NRXN1: variants seen among roughly 807,000 people sequenced by gnomAD.
The protein encoded by NRXN1 is neurexin-1.
In NRXN1, 39 loss-of-function variants were observed where a neutral mutation model predicts 150.9. The ratio of observed to expected loss-of-function variants is 0.26; its 90% confidence interval spans 0.20 to 0.34. The LOEUF is 0.34. Ranked by LOEUF, NRXN1 falls within the 10% of genes least tolerant of loss-of-function variation. The pLI is 1.00. For synonymous variants in NRXN1, 924 were observed against 757.0 expected (o/e 1.22, Z -3.62); for missense variants, 1,815 against 1,949.9 (o/e 0.93, Z 1.30).
Position 50,347,292 on chromosome 2 carries a change from G to C in NRXN1, c.3365-110322C>G. The C allele has an allele frequency of 1.4e-5, 18 of 1,285,682 alleles. No individual in the cohort carries two copies. Among genetic ancestry groups the C allele is most frequent in the Non-Finnish European group, 1.8e-5 (18 of 989,542 alleles). The allele number at this position is 1,285,682 out of a possible 1,614,324, so 79.6% of individuals were successfully genotyped here. ...GAGATACTCCCAAAGAGTTTCGGGC[G>C]AGAGTGCGTGCCGGCGGGTGGGGGG... On this transcript the variant is annotated intron_variant, in intron 17 of 22. Coordinates refer to ENST00000401669, the MANE Select transcript of NRXN1 (RefSeq NM_001330078.2). The surrounding 1 kb of genome is among the most constrained non-coding windows in gnomAD (Gnocchi z 4.9).
chr2:50,262,453 A>T (rs192440648), intron 17 of NRXN1, among the ~76,000 whole-genome samples: 1 of 152,046 alleles, frequency 6.6e-6, no homozygotes, highest in Admixed American at 6.6e-5. Context: ...GTAATTACTG[A>T]GGTCTTCTCT....
At chr2:50,834,449 G>C (rs1671827718) in intron 5 of NRXN1, among the ~76,000 whole-genome samples, 1 of 151,950 alleles carries the variant, frequency 6.6e-6, no homozygotes, top group East Asian at 1.9e-4. Context: ...AATTTCAGGA[G>C]GAAAACAATA....
chr2:50,397,526 G>T (rs544984831), intron 17 of NRXN1, among the ~76,000 whole-genome samples: 2 of 152,088 alleles, frequency 1.3e-5, no homozygotes, highest in Non-Finnish European at 1.5e-5. Flanking sequence ...CTATTATTAA[G>T]TCCATGTTAC....
intron 17 of NRXN1, among the ~76,000 whole-genome samples, chr2:50,454,834 A>G (rs2087379034): frequency 6.6e-6 from 1 of 152,294 alleles, no homozygotes; most frequent in African/African-American, 2.4e-5. Context: ...AGACTTATAC[A>G]CATAAAAAGA....
At chr2:50,938,496 T>G (rs1281850876) in intron 2 of NRXN1, among the ~76,000 whole-genome samples, 1 of 152,156 alleles carries the variant, frequency 6.6e-6, no homozygotes, top group Non-Finnish European at 1.5e-5. Flanking sequence ...TCCAAACTAT[T>G]CCGATTTCTG....
intron 18 of NRXN1, among the ~76,000 whole-genome samples, chr2:50,097,353 C>A (rs1170630823): frequency 6.6e-6 from 1 of 152,188 alleles, no homozygotes; most frequent in Non-Finnish European, 1.5e-5. Flanking sequence ...CAGAACTCAA[C>A]AATGTCTTTA....
intron 5 of NRXN1, chr2:50,631,079 T>C (rs1458862491): frequency 4.4e-6 from 2 of 450,632 alleles, no homozygotes; most frequent in African/African-American, 2.1e-5. Context: ...ATAAATTGAT[T>C]ATTACAAGTA....
intron 8 of NRXN1, among the ~76,000 whole-genome samples, chr2:50,587,720 A>C (rs1041773484): frequency 2.6e-5 from 4 of 152,182 alleles, no homozygotes; most frequent in African/African-American, 4.8e-5. Flanking sequence ...AAATTGTTTA[A>C]ATGTAAAATA....
At chr2:50,472,099 T>C (rs530145971) in intron 16 of NRXN1, among the ~76,000 whole-genome samples, 199 bp downstream of exon 16, 2 of 151,652 alleles carry the variant, frequency 1.3e-5, no homozygotes, top group African/African-American at 4.8e-5. Context: ...CCATTTTACA[T>C]TGGGCATTAA....
At chr2:50,440,098 G>C (rs2085809703) in intron 17 of NRXN1, among the ~76,000 whole-genome samples, 1 of 152,184 alleles carries the variant, frequency 6.6e-6, no homozygotes, top group Admixed American at 6.5e-5. Context: ...AGAGTTGTCA[G>C]GATTTGTTCC....
chr2:50,364,173 G>A (rs1157414683), intron 17 of NRXN1, among the ~76,000 whole-genome samples: 1 of 152,058 alleles, frequency 6.6e-6, no homozygotes, highest in Admixed American at 6.6e-5. Flanking sequence ...AAACCACCAT[G>A]GCACATGTTT....
chr2:50,115,609 T>G (rs1222406629), intron 18 of NRXN1, among the ~76,000 whole-genome samples: 1 of 151,900 alleles, frequency 6.6e-6, no homozygotes, highest in Non-Finnish European at 1.5e-5. Flanking sequence ...ACTGCACAGC[T>G]GAGGTTCACC....
At chr2:50,451,266 G>C (rs558781313) in intron 17 of NRXN1, among the ~76,000 whole-genome samples, 1 of 152,144 alleles carries the variant, frequency 6.6e-6, no homozygotes, top group African/African-American at 2.4e-5. Context: ...ACCACGCCTG[G>C]CCTACTTCAC....
chr2:50,104,088 G>C (rs1341784079), intron 18 of NRXN1, among the ~76,000 whole-genome samples: 2 of 151,970 alleles, frequency 1.3e-5, no homozygotes, highest in Non-Finnish European at 1.5e-5. Flanking sequence ...TGAATCTGCT[G>C]AATAAGGGAT....
chr2:50,306,833 G>A (rs2074658978), intron 17 of NRXN1, among the ~76,000 whole-genome samples: 1 of 152,050 alleles, frequency 6.6e-6, no homozygotes, highest in Non-Finnish European at 1.5e-5. Context: ...GGGCTAAGGT[G>A]GCTTTTTGTT....
At chr2:50,756,639 C>G (rs1473244369) in intron 5 of NRXN1, among the ~76,000 whole-genome samples, 1 of 151,588 alleles carries the variant, frequency 6.6e-6, no homozygotes, top group Admixed American at 6.6e-5. Context: ...CCTAAATATC[C>G]AACAATAGTA....
chr2:50,837,552 G>A (rs892800089), intron 5 of NRXN1, among the ~76,000 whole-genome samples: 2 of 152,030 alleles, frequency 1.3e-5, no homozygotes, highest in Non-Finnish European at 2.9e-5. Flanking sequence ...ACATTTTACT[G>A]GCTATTTGTT....
At chr2:50,300,276 C>T (rs909756046) in intron 17 of NRXN1, among the ~76,000 whole-genome samples, 1 of 152,292 alleles carries the variant, frequency 6.6e-6, no homozygotes, top group African/African-American at 2.4e-5. Flanking sequence ...CCTAGTGATG[C>T]CAGAGATATC....
chr2:51,026,554 A>C, intron 2 of NRXN1: 2 of 880,114 alleles, frequency 2.3e-6, no homozygotes, highest in Non-Finnish European at 1.8e-6. Flanking sequence ...CAGAAATTAC[A>C]ACTTGGCCTC....
Sources: gnomAD v4.1 joint callset for allele counts (sites outside exome capture counted in the v4.1 genomes callset) on GRCh38, gnomAD v4.1.1 for gene constraint, Gnocchi (gnomAD v3.1) non-coding constraint, MANE v1.5 for transcripts, NCBI Gene and HGNC (gene_info 2026-07-23, HGNC 2026-07-21) for gene names.